The following ZNF862 variants were observed in gnomAD, a reference collection of about 807,000 sequenced individuals.
ZNF862 encodes the protein zinc finger protein 862.
In ZNF862, 64 loss-of-function variants were observed where a neutral mutation model predicts 91.1. The observed-to-expected ratio is 0.70, with a 90% CI of 0.57 to 0.87. The LOEUF is 0.87. Ranked by LOEUF, ZNF862 falls within the 40% of genes least tolerant of loss-of-function variation. The pLI, the probability that ZNF862 is intolerant of heterozygous loss-of-function variation, is 0.00. For synonymous variants in ZNF862, 631 were observed against 618.1 expected (o/e 1.02, Z -0.31); for missense variants, 1,459 against 1,528.0 (o/e 0.95, Z 0.75).
At position 149,841,185 on chromosome 7, in the gene ZNF862, C is replaced by T. The variant is rs753309299; in HGVS notation, c.24+2550C>T. On this transcript the variant is annotated intron_variant, in intron 1 of 7. Coordinates refer to ENST00000223210, the MANE Select transcript of ZNF862 (RefSeq NM_001099220.3). The stretch of plus-strand genomic sequence containing the variant: ...GACAAGGAATAGCGGTGCTGTTCTA[C>T]AACTCCACTCCGAACAGCATTCTTA... The T allele has an allele frequency of 4.8e-5, 47 of 985,458 alleles. 1 individual carries two copies. In the Middle Eastern group the frequency reaches 2.1e-3, roughly 44 times the overall value. The allele number at this position is 985,458 out of a possible 1,614,324, so 61.0% of individuals were successfully genotyped here. A position where few individuals can be genotyped will look rare whatever the true frequency, so the allele number is the denominator to read the frequency against.
intron 1 of ZNF862, among the ~76,000 whole-genome samples, chr7:149,841,954 A>G (rs1801721518): frequency 6.6e-6 from 1 of 152,224 alleles, no homozygotes. Context: ...ATGCCTATAA[A>G]ATACTTTCCA....
chr7:149,853,222 A>G (rs547565323), intron 5 of ZNF862, among the ~76,000 whole-genome samples: 1 of 152,310 alleles, frequency 6.6e-6, no homozygotes, highest in Admixed American at 6.5e-5. Context: ...GCACCTGGCT[A>G]GAGTGGCTTT....
intron 1 of ZNF862, chr7:149,841,729 C>T (rs1801711528): frequency 1.0e-6 from 1 of 985,408 alleles, no homozygotes; most frequent in African/African-American, 1.7e-5. Flanking sequence ...TTTGTTGCCT[C>T]AACGTTTCTG....
chr7:149,867,252 C>T lies in ZNF862; in HGVS notation c.*2968C>T, dbSNP rs1169366394. 1 of 152,252 alleles carries T rather than the reference C, an allele frequency of 6.6e-6. No homozygotes were observed. Among genetic ancestry groups the T allele is most frequent in the African/African-American group, 2.4e-5 (1 of 41,410 alleles). The allele number at this position is 152,252 out of a possible 1,614,324, so 9.4% of individuals were successfully genotyped here. A position where few individuals can be genotyped will look rare whatever the true frequency, so the allele number is the denominator to read the frequency against. The stretch of plus-strand genomic sequence containing the variant: ...AGAGTATGTGACCGCGCTCCAGACC[C>T]TTGCTTCTCTCTCCTGCAGAGGATG... On this transcript the variant is annotated 3_prime_UTR_variant, in exon 8 of 8. Coordinates refer to ENST00000223210, the MANE Select transcript of ZNF862 (RefSeq NM_001099220.3).
chr7:149,847,592 GGTGT>G (rs10569456), intron 3 of ZNF862, 139 bp from the exon 4 acceptor site: 171,667 of 523,064 alleles, frequency 0.33, 12,648 homozygotes, highest in East Asian at 0.36. Context: ...AGAAAATTCA[GGTGT>G]GTGTGTGTGT....
Position 149,850,301 on chromosome 7 carries a change from C to T in ZNF862, c.1080C>T (p.Asp360=), listed in dbSNP as rs756052933. The T allele has an allele frequency of 8.1e-6, 13 of 1,613,274 alleles. No individual in the cohort carries two copies. Among genetic ancestry groups the T allele is most frequent in the African/African-American group, 1.3e-5 (1 of 74,850 alleles). ...AGCGGCAGAAGGAGCTGTACAGAGA[C>T]GTGATGCGGATGAACTACGAGCTGT... ...LDKRQKELYR[D]VMRMNYELLA... Residue 360 remains aspartate, a synonymous_variant, in exon 5 of 8, where the codon GAC becomes GAT. Transcript: ENST00000223210. The surrounding 1 kb of genome is among the most constrained non-coding windows in gnomAD (Gnocchi z 4.2).
chr7:149,845,349 A>C (rs1198705222), intron 2 of ZNF862, among the ~76,000 whole-genome samples: 1 of 152,216 alleles, frequency 6.6e-6, no homozygotes. Flanking sequence ...ATGTGTGTAC[A>C]CATATGCACT....
At position 149,861,583 on chromosome 7, in the gene ZNF862, C is replaced by A. The variant is rs1410029013; in HGVS notation, c.2423C>A (p.Ala808Asp). 6.3e-7 allele frequency: 1 copy of A among 1,596,006 alleles called. No individual in the cohort carries two copies. Among genetic ancestry groups the A allele is most frequent in the Non-Finnish European group, 8.5e-7 (1 of 1,173,562 alleles). ...HALLVSWPAL[A>D]RHLQRVAEAG... ...CTGCTCGTGAGCTGGCCCGCCCTGG[C>A]CAGGCACCTCCAGAGGGTGGCAGAG... The change falls in exon 7 of 8, where the codon GCC becomes GAC. Residue 808 changes from alanine (A) to aspartate (D), a missense_variant. By Grantham distance (126) the Ala-to-Asp change is moderately radical. Transcript: ENST00000223210. The surrounding 1 kb of genome is among the most constrained non-coding windows in gnomAD (Gnocchi z 6.7).
Position 149,862,235 on chromosome 7 carries a change from C to T in ZNF862, c.3075C>T (p.Leu1025=), listed in dbSNP as rs1202838025. The T allele has an allele frequency of 1.2e-6, 2 of 1,613,820 alleles. No individual in the cohort carries two copies. Among genetic ancestry groups the T allele is most frequent in the Non-Finnish European group, 1.7e-6 (2 of 1,179,878 alleles). ...QHCRFPLLSK[L]MAVVVCVPIS... The stretch of plus-strand genomic sequence containing the variant: ...GCCGCTTCCCCCTGCTAAGCAAGCT[C>T]ATGGCCGTGGTGGTCTGTGTGCCCA... Residue 1025 remains leucine, a synonymous_variant, in exon 7 of 8, where the codon CTC becomes CTT. Coordinates refer to ENST00000223210, the MANE Select transcript of ZNF862 (RefSeq NM_001099220.3).
intron 1 of ZNF862, 75 bp from the exon 2 acceptor site, chr7:149,844,550 A>G: frequency 9.4e-7 from 1 of 1,060,912 alleles, no homozygotes; most frequent in Non-Finnish European, 1.4e-6. Flanking sequence ...GGGTGCCCTC[A>G]GGTGGTCAGG....
chr7:149,862,384 T>A lies in ZNF862; in HGVS notation c.3224T>A (p.Val1075Asp). ...ATGACAGCTGTGAACGGCGTGGCCG[T>A]CACGGAGTACGACCCCCAGCCCGCC... ...LMMTAVNGVA[V>D]TEYDPQPAIQ... is the part of the protein sequence containing the mutation. The change falls in exon 7 of 8, where the codon GTC (valine) becomes GAC (aspartate). Residue 1075 changes from valine (V) to aspartate (D), a missense_variant. Physicochemically the swap from Val to Asp is radical, Grantham distance 152 (BLOSUM62 -3). Coordinates refer to ENST00000223210, the MANE Select transcript of ZNF862 (RefSeq NM_001099220.3). The A allele has an allele frequency of 6.2e-7, 1 of 1,612,836 alleles. No homozygotes were observed. The highest frequency in any genetic ancestry group is 8.5e-7 in the Non-Finnish European group (1 of 1,179,628).
chr7:149,856,544 T>A (rs1802271113), intron 5 of ZNF862, among the ~76,000 whole-genome samples: 1 of 152,202 alleles, frequency 6.6e-6, no homozygotes, highest in South Asian at 2.1e-4. Context: ...CCCTCATCAG[T>A]TCTTCCCAGA....
At chr7:149,843,798 C>T (rs769503182) in intron 1 of ZNF862, among the ~76,000 whole-genome samples, 8 of 152,134 alleles carry the variant, frequency 5.3e-5, no homozygotes, top group Non-Finnish European at 7.3e-5. Flanking sequence ...GCTGCCTGCC[C>T]GCCCTCCCAT....
At position 149,860,556 on chromosome 7, in the gene ZNF862, C is replaced by T. The variant is rs375719175; in HGVS notation, c.1396C>T (p.Gln466Ter). The T allele has an allele frequency of 3.1e-6, 5 of 1,613,906 alleles. No individual in the cohort carries two copies. The highest frequency in any genetic ancestry group is 4.2e-6 in the Non-Finnish European group (5 of 1,179,896). Residue 466 changes from glutamine (Q) to a stop codon, truncating the protein, a stop_gained, in exon 7 of 8, where the codon CAG (glutamine) becomes TAG (stop). Coordinates refer to ENST00000223210, the MANE Select transcript of ZNF862 (RefSeq NM_001099220.3). LOFTEE classifies it high-confidence loss of function. ...GAGGACATACAGGCCCCGTTCCATT[C>T]AGAGGTCATGGTTTGGGCAGTTCCC... ...IKRTYRPRSIQRSWFGQFPWL... is the reference protein window; with the variant it reads ...IKRTYRPRSI
Position 149,848,037 on chromosome 7 carries a change from ACAGGACCATTCAAGGT to A in ZNF862, c.545_560del (p.Thr182ArgfsTer79). On this transcript the variant is annotated frameshift_variant, in exon 4 of 8. Coordinates refer to ENST00000223210, the MANE Select transcript of ZNF862 (RefSeq NM_001099220.3). LOFTEE classifies it high-confidence loss of function. ...ACGGTCAAGACTAATAGAAGGTTAT[ACAGGACCATTCAAGGT>A]GGAGACTCTCAAATACCACGCGAAG... 6.2e-7 allele frequency: 1 copy of A among 1,613,968 alleles called. No homozygotes were observed. The highest frequency in any genetic ancestry group is 8.5e-7 in the Non-Finnish European group (1 of 1,179,878).
chr7:149,852,403 C>G (rs1457040577), intron 5 of ZNF862, among the ~76,000 whole-genome samples: 1 of 151,560 alleles, frequency 6.6e-6, no homozygotes, highest in South Asian at 2.1e-4. Flanking sequence ...GGCTGTCACT[C>G]TGTCACCCAG....
At position 149,865,737 on chromosome 7, in the gene ZNF862, G is replaced by A. The variant is rs1359069059; in HGVS notation, c.*1453G>A. ...TACTTGTTTTAAACAGGCAGGAAGT[G>A]GGCGCCATCCATCCCAGCTTGCTTG... On this transcript the variant is annotated 3_prime_UTR_variant, in exon 8 of 8. Transcript: ENST00000223210. The A allele has an allele frequency of 6.6e-6, 1 of 152,214 alleles. No individual in the cohort carries two copies. Among genetic ancestry groups the A allele is most frequent in the Non-Finnish European group, 1.5e-5 (1 of 68,050 alleles). The allele number at this position is 152,214 out of a possible 1,614,324, so 9.4% of individuals were successfully genotyped here.
rs201730277 is a variant in ZNF862 at position 149,862,383 on chromosome 7, G to A, written c.3223G>A (p.Val1075Ile). ...GATGACAGCTGTGAACGGCGTGGCC[G>A]TCACGGAGTACGACCCCCAGCCCGC... Reference protein sequence around the residue: ...LMMTAVNGVAVTEYDPQPAIQ... With the variant: ...LMMTAVNGVAITEYDPQPAIQ... The change falls in exon 7 of 8, where the codon GTC (valine) becomes ATC (isoleucine). Residue 1075 changes from valine (V) to isoleucine (I), a missense_variant. Transcript: ENST00000223210. 1.4e-4 allele frequency: 223 copies of A among 1,612,556 alleles called. 2 individuals are homozygous for A. The highest frequency in any genetic ancestry group is 1.6e-4 in the Middle Eastern group (1 of 6,084).
rs1038827808 is a variant in ZNF862 at position 149,838,507 on chromosome 7, GC to G, written c.-102del. ...GGCCGCGCTCCCTCCCTACCTGGGT[GC>G]CCTCCCCCTCCGGGAGCCTGGGTCC... On this transcript the variant is annotated 5_prime_UTR_variant, in exon 1 of 8. Coordinates refer to ENST00000223210, the MANE Select transcript of ZNF862 (RefSeq NM_001099220.3). 1 of 749,362 alleles carries G rather than the reference GC, an allele frequency of 1.3e-6. No individual in the cohort carries two copies. Among genetic ancestry groups the G allele is most frequent in the African/African-American group, 1.8e-5 (1 of 55,328 alleles). The allele number at this position is 749,362 out of a possible 1,614,324, so 46.4% of individuals were successfully genotyped here. A position where few individuals can be genotyped will look rare whatever the true frequency, so the allele number is the denominator to read the frequency against.
Sources: gnomAD v4.1 joint callset for allele counts (sites outside exome capture counted in the v4.1 genomes callset) on GRCh38, gnomAD v4.1.1 for gene constraint, Gnocchi (gnomAD v3.1) non-coding constraint, MANE v1.5 for transcripts, NCBI Gene and HGNC (gene_info 2026-07-23, HGNC 2026-07-21) for gene names.